FOXP1: variants seen among roughly 807,000 people sequenced by gnomAD.
FOXP1 encodes forkhead box protein P1.
In FOXP1, 15 loss-of-function variants were observed where a neutral mutation model predicts 98.2. That is an observed-to-expected ratio of 0.15 (90% CI 0.10 to 0.24). The LOEUF (loss-of-function observed/expected upper bound fraction) is 0.24. Among genes scored for constraint, FOXP1 ranks in the 10% least tolerant of loss-of-function variants. The pLI is 1.00. For missense variants in FOXP1, 633 were observed against 848.5 expected, an observed-to-expected ratio of 0.75 and a Z score of 3.15; for synonymous variants, 371 against 314.5, an observed-to-expected ratio of 1.18 and a Z score of -1.90.
intron 10 of FOXP1, among the ~76,000 whole-genome samples, chr3:71,042,510 AAAC>A (rs1383796911): frequency 3.9e-5 from 6 of 152,204 alleles, no homozygotes; most frequent in Admixed American, 6.5e-5. Flanking sequence ...CAACTAACAA[AAAC>A]AACAACAACG....
At chr3:71,222,920 C>T (rs2065511230) in intron 5 of FOXP1, among the ~76,000 whole-genome samples, 1 of 152,204 alleles carries the variant, frequency 6.6e-6, no homozygotes, top group Non-Finnish European at 1.5e-5. Context: ...AGGGAAAGGT[C>T]ACTGTCAACT....
At position 71,148,204 on chromosome 3, in the gene FOXP1, T is replaced by C. The variant is rs140210546; in HGVS notation, c.181-35567A>G. ...CCAGCCTGGCCAACATGGCGAAACC[T>C]TGTCTCTATTAAAAGTACAAAAATT... On this transcript the variant is annotated intron_variant, in intron 6 of 20. Coordinates refer to ENST00000649528, the MANE Select transcript of FOXP1 (RefSeq NM_001349338.3). Among the ~76,000 whole-genome samples, 158 of 152,152 alleles carry C rather than the reference T, an allele frequency of 1.0e-3. 1 individual carries two copies. The highest frequency in any genetic ancestry group is 3.5e-3 in the African/African-American group (146 of 41,528).
At chr3:71,164,769 T>C (rs1230609578) in intron 6 of FOXP1, among the ~76,000 whole-genome samples, 6 of 152,266 alleles carry the variant, frequency 3.9e-5, no homozygotes, top group African/African-American at 1.4e-4. Context: ...GAATAAAGCT[T>C]ACTTTCTCCC....
chr3:71,009,279 C>T (rs901645652), intron 12 of FOXP1, among the ~76,000 whole-genome samples: 1 of 151,118 alleles, frequency 6.6e-6, no homozygotes, highest in African/African-American at 2.4e-5. Flanking sequence ...AAGCATTCCT[C>T]AGCTAAAAAT....
At position 70,957,949 on chromosome 3, in the gene FOXP1, C is replaced by A. The variant is rs2032209885; in HGVS notation, c.*1298G>T. On this transcript the variant is annotated 3_prime_UTR_variant, in exon 21 of 21. Transcript: ENST00000649528. ...CTAATGTATAAACTCAGCGCCGCCG[C>A]CGCCACCCCTACTTTCAGGGCAGCT... 4.1e-6 allele frequency: 1 copy of A among 245,014 alleles called. No individual in the cohort carries two copies. Among genetic ancestry groups the A allele is most frequent in the African/African-American group, 2.2e-5 (1 of 45,410 alleles). The allele number at this position is 245,014 out of a possible 1,614,324, so 15.2% of individuals were successfully genotyped here. A position where few individuals can be genotyped will look rare whatever the true frequency, so the allele number is the denominator to read the frequency against.
At chr3:71,568,642 G>T (rs1326155612) in intron 2 of FOXP1, among the ~76,000 whole-genome samples, 1 of 129,456 alleles carries the variant, frequency 7.7e-6, no homozygotes, top group African/African-American at 2.9e-5. Context: ...TTTGTTCCCT[G>T]AATTTTTTTT....
chr3:71,546,330 AAAG>A (rs2045357197), intron 2 of FOXP1, among the ~76,000 whole-genome samples: 1 of 152,184 alleles, frequency 6.6e-6, no homozygotes, highest in East Asian at 1.9e-4. Context: ...CTAATCTTGT[AAAG>A]AATAAAGATT....
At chr3:71,042,499 A>G (rs1280008633) in intron 10 of FOXP1, among the ~76,000 whole-genome samples, 1 of 152,144 alleles carries the variant, frequency 6.6e-6, no homozygotes, top group African/African-American at 2.4e-5. Flanking sequence ...ATTCTAGATG[A>G]CAACTAACAA....
chr3:71,049,135 G>C (rs2049467116), intron 9 of FOXP1, among the ~76,000 whole-genome samples: 1 of 152,100 alleles, frequency 6.6e-6, no homozygotes, highest in Non-Finnish European at 1.5e-5. Flanking sequence ...CCCTCGGCAG[G>C]TCAGTAGTCA....
intron 3 of FOXP1, among the ~76,000 whole-genome samples, chr3:71,401,239 G>A (rs1055238843): frequency 6.6e-6 from 1 of 152,086 alleles, no homozygotes; most frequent in African/African-American, 2.4e-5. Context: ...GTTCAAAAAG[G>A]GTTTTGAAAA....
intron 6 of FOXP1, among the ~76,000 whole-genome samples, chr3:71,167,059 C>T (rs2061429578): frequency 6.6e-6 from 1 of 151,908 alleles, no homozygotes; most frequent in Non-Finnish European, 1.5e-5. Context: ...CACATCTCCG[C>T]ACTTCAGGAT....
intron 2 of FOXP1, among the ~76,000 whole-genome samples, chr3:71,541,614 A>G (rs183977992): frequency 6.6e-6 from 1 of 152,324 alleles, no homozygotes; most frequent in Non-Finnish European, 1.5e-5. Context: ...GCAAAATGTC[A>G]CAGAAACAAA....
intron 6 of FOXP1, among the ~76,000 whole-genome samples, chr3:71,173,984 C>T (rs1218154301): frequency 6.6e-6 from 1 of 152,090 alleles, no homozygotes; most frequent in African/African-American, 2.4e-5. Context: ...GGAACTTTAC[C>T]ACCCTCTACA....
chr3:71,348,171 C>G (rs2077493817), intron 4 of FOXP1, among the ~76,000 whole-genome samples: 1 of 152,156 alleles, frequency 6.6e-6, no homozygotes, highest in African/African-American at 2.4e-5. Context: ...TTCAGACCAT[C>G]ATTGACTGCT....
At chr3:71,218,699 G>A (rs746926000) in intron 5 of FOXP1, among the ~76,000 whole-genome samples, 6 of 152,118 alleles carry the variant, frequency 3.9e-5, no homozygotes, top group Admixed American at 1.3e-4. Flanking sequence ...GTAAACAAAC[G>A]GGTGTGGCTG....
intron 3 of FOXP1, among the ~76,000 whole-genome samples, chr3:71,409,686 AG>A (rs1196907899): frequency 2.0e-5 from 3 of 152,188 alleles, no homozygotes; most frequent in African/African-American, 4.8e-5. Context: ...CCCAGCAGTT[AG>A]GGGTTTTAAC....
At chr3:71,077,677 T>A (rs893668962) in intron 7 of FOXP1, among the ~76,000 whole-genome samples, 2 of 152,212 alleles carry the variant, frequency 1.3e-5, no homozygotes, top group African/African-American at 4.8e-5. Flanking sequence ...CAAATGCCGT[T>A]GTACATAACC....
rs1337157474 is a variant in FOXP1 at position 71,198,198 on chromosome 3, G to GT, written c.180+3dup. ...CCACCTCCCAAGACTCCAAAGCCCAGTACCTGTTGCTGCTGCTGCTGGGCG... is the reference window on the plus strand; with the variant it reads ...CCACCTCCCAAGACTCCAAAGCCCAGTTACCTGTTGCTGCTGCTGCTGGGCG... On this transcript the variant is annotated splice_donor_region_variant and intron_variant, in intron 6 of 20. Coordinates refer to ENST00000649528, the MANE Select transcript of FOXP1 (RefSeq NM_001349338.3). The GT allele has an allele frequency of 1.9e-6, 3 of 1,613,982 alleles. No homozygotes were observed. The highest frequency in any genetic ancestry group is 2.5e-6 in the Non-Finnish European group (3 of 1,180,056).
chr3:71,433,336 C>T (rs1180596598), intron 3 of FOXP1, among the ~76,000 whole-genome samples: 1 of 152,150 alleles, frequency 6.6e-6, no homozygotes. Flanking sequence ...TTTGCTGTGT[C>T]CCTTTGTCTC....
Sources: allele counts gnomAD v4.1 joint callset (sites outside exome capture counted in the v4.1 genomes callset), GRCh38; gene constraint gnomAD v4.1.1; transcripts MANE v1.5; gene names NCBI Gene and HGNC (gene_info 2026-07-23, HGNC 2026-07-21).